The following CFTR variants were observed in gnomAD, a reference collection of about 807,000 sequenced individuals.
The protein encoded by CFTR is cystic fibrosis transmembrane conductance regulator.
CFTR carries 181 observed loss-of-function variants against 171.6 expected under a neutral mutation model. The ratio of observed to expected loss-of-function variants is 1.05; its 90% CI spans 0.93 to 1.19. The LOEUF is 1.19. Ranked by LOEUF, CFTR falls within the 50% of genes most tolerant of loss-of-function variation. The probability of loss-of-function intolerance (pLI) is 0.00; values close to 1 mark genes in which losing one functional copy is unlikely to be tolerated. For missense variants in CFTR, 1,968 were observed against 1,734.7 expected (o/e 1.13, Z -2.39); for synonymous variants, 583 against 608.0 (o/e 0.96, Z 0.60).
At chr7:117,604,500 C>T (rs1015091200) in intron 17 of CFTR, among the ~76,000 whole-genome samples, 1 of 152,146 alleles carries the variant, frequency 6.6e-6, no homozygotes, top group Non-Finnish European at 1.5e-5. Flanking sequence ...GAGTAAGGCA[C>T]AGTTCTTGCC....
intron 9 of CFTR, among the ~76,000 whole-genome samples, chr7:117,544,128 TTTTA>T (rs943225655): frequency 2.6e-5 from 4 of 152,206 alleles, no homozygotes; most frequent in Non-Finnish European, 4.4e-5. Context: ...AGAACAATAA[TTTTA>T]TTCTCTCAGC....
At position 117,642,484 on chromosome 7, in the gene CFTR, C is replaced by A. The variant is rs76649725; in HGVS notation, c.3764C>A (p.Ser1255Ter). 3.1e-6 allele frequency: 5 copies of A among 1,613,638 alleles called. No individual in the cohort carries two copies. The African/African-American group carries it at 4.0e-5, about 13-fold the overall frequency. The change falls in exon 23 of 27, where the codon TCA becomes TAA. Residue 1255 changes from serine to a stop codon, truncating the protein, a stop_gained. Transcript: ENST00000003084. LOFTEE classifies it high-confidence loss of function. Reference protein sequence around the residue: ...RTGSGKSTLLSAFLRLLNTEG... With the variant: ...RTGSGKSTLL The stretch of plus-strand genomic sequence containing the variant: ...GGATCAGGGAAGAGTACTTTGTTAT[C>A]AGCTTTTTTGAGACTACTGAACACT...
chr7:117,489,213 T>A (rs922874727), intron 1 of CFTR, among the ~76,000 whole-genome samples: 3 of 152,138 alleles, frequency 2.0e-5, no homozygotes, highest in African/African-American at 7.2e-5. Context: ...AGTTTGTCAC[T>A]GTAACTCTAT....
chr7:117,593,224 T>C (rs1792064295), intron 14 of CFTR, among the ~76,000 whole-genome samples: 1 of 152,196 alleles, frequency 6.6e-6, no homozygotes, highest in African/African-American at 2.4e-5. Context: ...TATATAAGCT[T>C]AACATGTACT....
At chr7:117,549,104 A>C (rs540811712) in intron 10 of CFTR, among the ~76,000 whole-genome samples, 70 of 152,378 alleles carry the variant, frequency 4.6e-4, no homozygotes, top group Non-Finnish European at 8.8e-4. Flanking sequence ...CAATAACTTT[A>C]TTGAATAAAC....
chr7:117,653,400 G>A (rs112658413), intron 24 of CFTR, among the ~76,000 whole-genome samples: 7 of 152,246 alleles, frequency 4.6e-5, no homozygotes, highest in African/African-American at 1.7e-4. Flanking sequence ...GTGCCAGCAG[G>A]TTTGCTGTCT....
intron 10 of CFTR, among the ~76,000 whole-genome samples, chr7:117,552,000 G>C (rs1466173835): frequency 6.6e-6 from 1 of 152,010 alleles, no homozygotes; most frequent in Non-Finnish European, 1.5e-5. Flanking sequence ...CAGAATACAT[G>C]TCTGCAAATA....
chr7:117,582,619 T>A (rs541173674), intron 11 of CFTR, among the ~76,000 whole-genome samples: 3 of 152,186 alleles, frequency 2.0e-5, no homozygotes, highest in Admixed American at 2.0e-4. Flanking sequence ...CTGGAATGCA[T>A]ACCATGGCTT....
At chr7:117,539,954 G>A (rs1046037350) in intron 7 of CFTR, 146 bp from the exon 8 acceptor site, 2 of 661,000 alleles carry the variant, frequency 3.0e-6, no homozygotes, top group Admixed American at 2.5e-5. Flanking sequence ...ACATGCCCAA[G>A]GTCACACAGG....
chr7:117,591,038 A>T (rs1792016789), intron 13 of CFTR, among the ~76,000 whole-genome samples: 2 of 152,174 alleles, frequency 1.3e-5, no homozygotes, highest in Non-Finnish European at 2.9e-5. Flanking sequence ...GATTTAATGG[A>T]CTATCAAGTA....
rs17140013 is a variant in CFTR, at chr7:117,509,228, T to C, written c.273+86T>C. On this transcript the variant is annotated intron_variant, in intron 3 of 26. Coordinates refer to ENST00000003084, the MANE Select transcript of CFTR (RefSeq NM_000492.4). The stretch of plus-strand genomic sequence containing the variant: ...TGAAAAGACTACGAAATCTGGTGAA[T>C]AGGTGTAAAAATATAAAGGATGAAT... 3,421 of 842,452 alleles carry C rather than the reference T, an allele frequency of 4.1e-3. 72 individuals carry two copies. The African/African-American group carries it at 0.051, about 12-fold the overall frequency. The allele number at this position is 842,452 out of a possible 1,614,324, so 52.2% of individuals were successfully genotyped here.
At chr7:117,529,187 TA>T (rs1024219809) in intron 3 of CFTR, among the ~76,000 whole-genome samples, 4 of 93,144 alleles carry the variant, frequency 4.3e-5, no homozygotes, top group Non-Finnish European at 7.4e-5. Context: ...TATACAGCCA[TA>T]AAAAATGATG....
intron 4 of CFTR, among the ~76,000 whole-genome samples, chr7:117,533,756 A>G (rs1442359324): frequency 6.6e-6 from 1 of 152,160 alleles, no homozygotes; most frequent in Non-Finnish European, 1.5e-5. Context: ...TACGTTTCAT[A>G]TAGCATTGCA....
intron 26 of CFTR, among the ~76,000 whole-genome samples, 192 bp downstream of exon 26, chr7:117,665,756 G>A (rs190584183): frequency 1.1e-3 from 162 of 152,342 alleles, no homozygotes; most frequent in African/African-American, 3.7e-3. Context: ...TGGTGAGGTT[G>A]AAATATAGTA....
intron 11 of CFTR, among the ~76,000 whole-genome samples, chr7:117,566,770 G>A (rs1791608984): frequency 6.6e-6 from 1 of 152,088 alleles, no homozygotes; most frequent in South Asian, 2.1e-4. Context: ...TTCATGAACT[G>A]GTCATTAAAT....
At chr7:117,557,757 CT>C (rs1292014435) in intron 10 of CFTR, among the ~76,000 whole-genome samples, 1 of 151,980 alleles carries the variant, frequency 6.6e-6, no homozygotes, top group Non-Finnish European at 1.5e-5. Context: ...AGGTGTGTCT[CT>C]TTTAGTTAGC....
intron 2 of CFTR, among the ~76,000 whole-genome samples, chr7:117,506,314 T>C (rs528295101): frequency 1.3e-5 from 2 of 152,296 alleles, no homozygotes; most frequent in South Asian, 4.1e-4. Flanking sequence ...TGGTGCAATT[T>C]TGGCTCACTG....
In CFTR at chr7:117,540,080, A is replaced by T; in HGVS notation, c.870-20A>T. The T allele has an allele frequency of 6.2e-7, 1 of 1,600,174 alleles. No homozygotes were observed. Among genetic ancestry groups the T allele is most frequent in the Non-Finnish European group, 8.6e-7 (1 of 1,168,136 alleles). ...AAAATAAAATAACATCCTGAATTTT[A>T]TTGTTATTGTTTTTTATAGAACAGA... is the stretch of plus-strand genomic sequence containing the variant. On this transcript the variant is annotated intron_variant, in intron 7 of 26. Coordinates refer to ENST00000003084, the MANE Select transcript of CFTR (RefSeq NM_000492.4).
At chr7:117,640,187 T>C (rs186340578) in intron 22 of CFTR, among the ~76,000 whole-genome samples, 20 of 152,262 alleles carry the variant, frequency 1.3e-4, no homozygotes, top group Admixed American at 9.8e-4. Context: ...AACAGATCAC[T>C]GAGAAGCCTG....
Sources: gnomAD v4.1 joint callset for allele counts (sites outside exome capture counted in the v4.1 genomes callset) on GRCh38, gnomAD v4.1.1 for gene constraint, MANE v1.5 for transcripts, NCBI Gene and HGNC (gene_info 2026-07-23, HGNC 2026-07-21) for gene names.